The following HSD17B6 variants were observed in gnomAD, a reference collection of about 807,000 sequenced individuals.
HSD17B6 encodes the protein 17-beta-hydroxysteroid dehydrogenase type 6.
A neutral mutation model predicts 26.4 loss-of-function variants in HSD17B6; 16 were observed. The observed-to-expected ratio is 0.61, with a 90% CI of 0.41 to 0.92. The LOEUF is 0.92. Ranked by LOEUF, HSD17B6 falls within the 40% of genes least tolerant of loss-of-function variation. The pLI is 0.00. For synonymous variants in HSD17B6, 139 were observed against 153.0 expected (o/e 0.91, Z 0.68); for missense variants, 357 against 386.1 (o/e 0.92, Z 0.63).
intron 1 of HSD17B6, among the ~76,000 whole-genome samples, chr12:56,764,786 C>T (rs1377349028): frequency 1.3e-5 from 2 of 152,140 alleles, no homozygotes; most frequent in East Asian, 3.9e-4. Flanking sequence ...ATTTTGAACC[C>T]AGGCCATCTG....
chr12:56,782,064 A>G lies in HSD17B6; in HGVS notation c.404A>G (p.Lys135Arg), dbSNP rs1954727866. The G allele has an allele frequency of 6.2e-7, 1 of 1,614,082 alleles. No homozygotes were observed. Among genetic ancestry groups the G allele is most frequent in the African/African-American group, 1.3e-5 (1 of 74,932 alleles). The change falls in exon 3 of 5, where the codon AAA becomes AGA. Residue 135 changes from lysine to arginine, a missense_variant. Transcript: ENST00000322165. Reference protein sequence around the residue: ...LNTEDSMNMLKVNLIGVIQVT... With the variant: ...LNTEDSMNMLRVNLIGVIQVT... ...ACTGAGGACTCTATGAATATGCTCAAAGTGAACCTCATTGGTGTGATCCAG... is the reference window on the plus strand; with the variant it reads ...ACTGAGGACTCTATGAATATGCTCAGAGTGAACCTCATTGGTGTGATCCAG...
intron 1 of HSD17B6, among the ~76,000 whole-genome samples, chr12:56,772,789 G>A (rs1395859743): frequency 5.3e-5 from 8 of 151,908 alleles, no homozygotes; most frequent in South Asian, 2.1e-4. Context: ...ATGCAGAGGC[G>A]TAAAAAGCCT....
chr12:56,780,429 G>C (rs142321088), intron 2 of HSD17B6, among the ~76,000 whole-genome samples: 1 of 152,162 alleles, frequency 6.6e-6, no homozygotes. Flanking sequence ...TTGCCCTGGC[G>C]TGCTTATACT....
chr12:56,781,170 A>G (rs971948028), intron 2 of HSD17B6, among the ~76,000 whole-genome samples: 1 of 152,194 alleles, frequency 6.6e-6, no homozygotes, highest in Non-Finnish European at 1.5e-5. Context: ...ATTCTTAGCC[A>G]TCATTACTTC....
intron 2 of HSD17B6, among the ~76,000 whole-genome samples, chr12:56,780,708 A>C (rs1370415830): frequency 1.3e-5 from 2 of 151,992 alleles, no homozygotes; most frequent in Non-Finnish European, 2.9e-5. Flanking sequence ...AAATACCAAA[A>C]AAATTAGCCG....
Position 56,773,885 on chromosome 12 carries a change from G to C in HSD17B6, c.33G>C (p.Leu11=), listed in dbSNP as rs1462022539. ...TCTACCTGGCGGCCTTCGTGGGCCTGTACTACCTTCTGCACTGGTACCGGG... is the reference window on the plus strand; with the variant it reads ...TCTACCTGGCGGCCTTCGTGGGCCTCTACTACCTTCTGCACTGGTACCGGG... The part of the protein sequence containing the change: MWLYLAAFVG[L]YYLLHWYRER... The change falls in exon 2 of 5, where the codon CTG becomes CTC. Residue 11 remains leucine, a synonymous_variant. Coordinates refer to ENST00000322165, the MANE Select transcript of HSD17B6 (RefSeq NM_003725.4). 6.9e-6 allele frequency: 11 copies of C among 1,605,626 alleles called. No individual in the cohort carries two copies. Among genetic ancestry groups the C allele is most frequent in the Non-Finnish European group, 8.5e-6 (10 of 1,174,678 alleles).
At chr12:56,768,310 T>TGA (rs1176640941) in intron 1 of HSD17B6, among the ~76,000 whole-genome samples, 4 of 150,788 alleles carry the variant, frequency 2.7e-5, no homozygotes, top group African/African-American at 9.8e-5. Context: ...TTCCAGAGAG[T>TGA]GATGGGAATG....
rs771047730 is a variant in HSD17B6, at chr12:56,784,826, A to T, written c.573-27A>T. On this transcript the variant is annotated intron_variant, in intron 3 of 4. Coordinates refer to ENST00000322165, the MANE Select transcript of HSD17B6 (RefSeq NM_003725.4). ...AGCATTGAAATGGTGGTGGTCTTTA[A>T]TCATAACTTGTGGGGTTTTATTTCA... The T allele has an allele frequency of 2.5e-6, 4 of 1,604,690 alleles. No individual in the cohort carries two copies. In the Admixed American group the frequency reaches 7.0e-5, roughly 28 times the overall value.
At chr12:56,768,951 C>T (rs943495867) in intron 1 of HSD17B6, among the ~76,000 whole-genome samples, 2 of 146,922 alleles carry the variant, frequency 1.4e-5, no homozygotes, top group Admixed American at 1.4e-4. Context: ...AATAAGGAGG[C>T]AAATGAAACT....
At chr12:56,786,464 G>C (rs922859877) in intron 4 of HSD17B6, among the ~76,000 whole-genome samples, 1 of 152,086 alleles carries the variant, frequency 6.6e-6, no homozygotes, top group Admixed American at 6.6e-5. Flanking sequence ...TGGCCATGCC[G>C]GTCTCGAACT....
At chr12:56,785,462 C>G (rs1275061664) in intron 4 of HSD17B6, among the ~76,000 whole-genome samples, 1 of 152,238 alleles carries the variant, frequency 6.6e-6, no homozygotes, top group Non-Finnish European at 1.5e-5. Flanking sequence ...GGCAGATCCT[C>G]TCAGGACAAA....
intron 3 of HSD17B6, 38 bp from the exon 4 acceptor site, chr12:56,784,815 G>A: frequency 6.3e-7 from 1 of 1,592,962 alleles, no homozygotes; most frequent in Non-Finnish European, 8.5e-7. Flanking sequence ...TTGAAATGGT[G>A]GTGGTCTTTA....
rs1294866039 is a variant in HSD17B6 at position 56,782,214 on chromosome 12, C to G, written c.554C>G (p.Ala185Gly). ...TGTGTCTCCAAGTATGGAGTGGAAGCCTTTTCAGATATTCTGAGGTAACTT... is the reference window on the plus strand; with the variant it reads ...TGTGTCTCCAAGTATGGAGTGGAAGGCTTTTCAGATATTCTGAGGTAACTT... ...GYCVSKYGVE[A>G]FSDILRREIQ... Residue 185 changes from alanine to glycine, a missense_variant, in exon 3 of 5, where the codon GCC becomes GGC. Physicochemically the swap from Ala to Gly is moderately conservative, Grantham distance 60. Transcript: ENST00000322165. 3.1e-6 allele frequency: 5 copies of G among 1,613,670 alleles called. No individual in the cohort carries two copies. Among genetic ancestry groups the G allele is most frequent in the Admixed American group, 3.3e-5 (2 of 59,938 alleles).
intron 2 of HSD17B6, 79 bp downstream of exon 2, chr12:56,774,244 T>G: frequency 1.5e-6 from 2 of 1,337,154 alleles, no homozygotes; most frequent in Non-Finnish European, 2.0e-6. Flanking sequence ...TGGTGTCTCC[T>G]GGGGATTGGT....
intron 2 of HSD17B6, among the ~76,000 whole-genome samples, chr12:56,780,788 G>T (rs1396826269): frequency 6.8e-6 from 1 of 146,624 alleles, no homozygotes; most frequent in Non-Finnish European, 1.5e-5. Flanking sequence ...GGTGGAGCTT[G>T]CAGTGAGTGG....
chr12:56,780,397 T>G (rs1954687978), intron 2 of HSD17B6, among the ~76,000 whole-genome samples: 1 of 152,236 alleles, frequency 6.6e-6, no homozygotes, highest in Non-Finnish European at 1.5e-5. Flanking sequence ...TGTTCTTAGC[T>G]CCCACAATTT....
At chr12:56,780,720 G>C (rs1954696444) in intron 2 of HSD17B6, among the ~76,000 whole-genome samples, 1 of 151,806 alleles carries the variant, frequency 6.6e-6, no homozygotes, top group Non-Finnish European at 1.5e-5. Flanking sequence ...AATTAGCCGG[G>C]CGTCTGTAGT....
intron 2 of HSD17B6, 88 bp downstream of exon 2, chr12:56,774,253 G>A (rs963652829): frequency 6.6e-6 from 8 of 1,209,420 alleles, no homozygotes; most frequent in Non-Finnish European, 9.1e-6. Context: ...CTGGGGATTG[G>A]TTCAAGGACT....
intron 2 of HSD17B6, among the ~76,000 whole-genome samples, chr12:56,780,108 C>G (rs542411482): frequency 2.4e-4 from 37 of 152,200 alleles, no homozygotes; most frequent in African/African-American, 8.9e-4. Flanking sequence ...AATAATCTGT[C>G]TTTCCTTTCT....
Sources: gnomAD v4.1 joint callset for allele counts (sites outside exome capture counted in the v4.1 genomes callset) on GRCh38, gnomAD v4.1.1 for gene constraint, MANE v1.5 for transcripts, NCBI Gene and HGNC (gene_info 2026-07-23, HGNC 2026-07-21) for gene names.